COL24A1: variants seen among roughly 807,000 people sequenced by gnomAD.
The protein encoded by COL24A1 is collagen alpha-1(XXIV) chain.
Under a neutral mutation model 253.9 loss-of-function variants are expected in COL24A1, and 224 were observed. That is an observed-to-expected ratio of 0.88 (90% confidence interval 0.79 to 0.99). The LOEUF (loss-of-function observed/expected upper bound fraction) is 0.99. Ranked by LOEUF, COL24A1 falls within the 50% of genes least tolerant of loss-of-function variation. COL24A1 has a pLI of 0.00. For missense variants in COL24A1, 2,131 were observed against 2,068.5 expected (o/e 1.03, Z -0.59); for synonymous variants, 685 against 673.7 (o/e 1.02, Z -0.26).
chr1:85,833,571 A>G (rs1675616244), intron 43 of COL24A1, among the ~76,000 whole-genome samples: 1 of 152,170 alleles, frequency 6.6e-6, no homozygotes, highest in Non-Finnish European at 1.5e-5. Flanking sequence ...TTCCTCAGGG[A>G]TCTAGAACTA....
At chr1:85,942,991 G>A (rs1688893124) in intron 24 of COL24A1, among the ~76,000 whole-genome samples, 1 of 152,174 alleles carries the variant, frequency 6.6e-6, no homozygotes, top group Non-Finnish European at 1.5e-5. Flanking sequence ...AAGGAGATTA[G>A]AATGTAACCC....
At chr1:85,821,649 C>T (rs545411995) in intron 45 of COL24A1, among the ~76,000 whole-genome samples, 1 of 152,212 alleles carries the variant, frequency 6.6e-6, no homozygotes, top group Non-Finnish European at 1.5e-5. Flanking sequence ...TTTTAATGTG[C>T]CCTTGGGTTG....
At chr1:86,011,515 T>C (rs185047553) in intron 19 of COL24A1, among the ~76,000 whole-genome samples, 78 of 152,298 alleles carry the variant, frequency 5.1e-4, no homozygotes, top group African/African-American at 1.8e-3. Flanking sequence ...CATATGCTCT[T>C]GGTACTATAA....
intron 42 of COL24A1, among the ~76,000 whole-genome samples, 183 bp from the exon 43 acceptor site, chr1:85,838,821 A>C (rs1051579992): frequency 6.6e-6 from 1 of 152,252 alleles, no homozygotes; most frequent in Non-Finnish European, 1.5e-5. Flanking sequence ...ACAACATCAA[A>C]ATACACCAAC....
At chr1:85,788,485 T>C (rs931619885) in intron 47 of COL24A1, among the ~76,000 whole-genome samples, 2 of 152,204 alleles carry the variant, frequency 1.3e-5, no homozygotes, top group African/African-American at 4.8e-5. Flanking sequence ...GATGGTTAGA[T>C]TGCAAAAATT....
At chr1:86,039,783 G>T (rs963499544) in intron 12 of COL24A1, among the ~76,000 whole-genome samples, 1 of 152,100 alleles carries the variant, frequency 6.6e-6, no homozygotes, top group Non-Finnish European at 1.5e-5. Context: ...ATATTACCAG[G>T]AAATTCTGTT....
chr1:86,091,089 T>C (rs920585742), intron 6 of COL24A1, among the ~76,000 whole-genome samples: 23 of 152,098 alleles, frequency 1.5e-4, no homozygotes, highest in Non-Finnish European at 2.2e-4. Context: ...GTTTCTCATA[T>C]TGCAGAATTT....
intron 2 of COL24A1, among the ~76,000 whole-genome samples, chr1:86,139,196 G>A (rs116370515): frequency 0.015 from 2,213 of 151,868 alleles, 31 homozygotes; most frequent in Middle Eastern, 0.044. Flanking sequence ...GGAGAGGGAG[G>A]AGAGAGAAGT....
chr1:86,004,085 C>T (rs932917951), intron 19 of COL24A1, among the ~76,000 whole-genome samples: 1 of 152,172 alleles, frequency 6.6e-6, no homozygotes, highest in South Asian at 2.1e-4. Context: ...GTTCCAGCTT[C>T]TGCTGCCTCT....
rs1383316710 is a variant in COL24A1, at chr1:86,156,426, C to A, written c.-30G>T. On this transcript the variant is annotated 5_prime_UTR_variant, in exon 1 of 60. It removes the in-frame stop codon of an upstream open reading frame in the 5' UTR. Coordinates refer to ENST00000370571, the MANE Select transcript of COL24A1 (RefSeq NM_152890.7). ...ATGCATTTGTCCGTGCAGCAAAGCG[C>A]TAACGGAAAACAGAAGCCAACTCTG... 5 of 1,604,240 alleles carry A rather than the reference C, an allele frequency of 3.1e-6. No homozygotes were observed. The Admixed American group carries it at 8.6e-5, about 27-fold the overall frequency.
chr1:85,982,490 A>AT (rs1321244669), intron 20 of COL24A1, among the ~76,000 whole-genome samples: 2 of 144,974 alleles, frequency 1.4e-5, no homozygotes, highest in Admixed American at 6.9e-5. Flanking sequence ...TCTGCTTTCT[A>AT]CCTTTTTTTT....
rs148272453 is a variant in COL24A1 at position 86,140,262 on chromosome 1, G to A, written c.121+5857C>T. On this transcript the variant is annotated intron_variant, in intron 2 of 59. Transcript: ENST00000370571. ...CAAGGTCAGTTAGCTAATAAATGGC[G>A]GAAACTGGGCTTAACTCTAAGATGC... Among the ~76,000 whole-genome samples, 16 of 152,246 alleles carry A rather than the reference G, an allele frequency of 1.1e-4. No homozygotes were observed. The East Asian group carries it at 1.7e-3, about 17-fold the overall frequency.
chr1:85,800,583 A>G (rs1214687183), intron 47 of COL24A1, among the ~76,000 whole-genome samples: 1 of 152,202 alleles, frequency 6.6e-6, no homozygotes, highest in African/African-American at 2.4e-5. Context: ...TTGGAAAATG[A>G]GCAGAATTAA....
intron 2 of COL24A1, among the ~76,000 whole-genome samples, chr1:86,132,681 T>C (rs937787288): frequency 3.3e-5 from 5 of 152,204 alleles, no homozygotes; most frequent in African/African-American, 9.6e-5. Context: ...GTTGTAGATA[T>C]GTGGCATTAT....
chr1:85,823,384 T>C (rs1673861601), intron 45 of COL24A1, 152 bp downstream of exon 45: 6 of 688,190 alleles, frequency 8.7e-6, no homozygotes, highest in South Asian at 6.5e-5. Flanking sequence ...AGCACAATTA[T>C]TGAAAAACAC....
intron 24 of COL24A1, among the ~76,000 whole-genome samples, chr1:85,922,895 C>A (rs187412745): frequency 2.6e-4 from 39 of 152,152 alleles, no homozygotes; most frequent in African/African-American, 9.2e-4. Context: ...GAGTCAAGAC[C>A]CATCAGTGTG....
intron 24 of COL24A1, among the ~76,000 whole-genome samples, chr1:85,955,841 G>A (rs1035771076): frequency 6.6e-6 from 1 of 152,130 alleles, no homozygotes; most frequent in Non-Finnish European, 1.5e-5. Context: ...CTCTTTCAAA[G>A]TCTTTCCTAT....
At chr1:86,008,329 C>T (rs948018862) in intron 19 of COL24A1, among the ~76,000 whole-genome samples, 1 of 152,072 alleles carries the variant, frequency 6.6e-6, no homozygotes. Flanking sequence ...ACCAAAACTT[C>T]TGCCTCCTGG....
In COL24A1 at chr1:85,761,413, C is replaced by G; in HGVS notation, c.4420G>C (p.Gly1474Arg). The change falls in exon 55 of 60, where the codon GGA becomes CGA. Residue 1474 changes from glycine to arginine, a missense_variant. Coordinates refer to ENST00000370571, the MANE Select transcript of COL24A1 (RefSeq NM_152890.7). ...AAACTTACTCTTGGGCCTGGTGCTCCAGGTGGACCCTAGAACACAGCAAAT... is the reference window on the plus strand; with the variant it reads ...AAACTTACTCTTGGGCCTGGTGCTCGAGGTGGACCCTAGAACACAGCAAAT... ...RGQPGPPGPP[G>R]APGPRKQMDI... The G allele has an allele frequency of 6.2e-7, 1 of 1,614,002 alleles. No individual in the cohort carries two copies.
Sources: gnomAD v4.1 joint callset for allele counts (sites outside exome capture counted in the v4.1 genomes callset) on GRCh38, gnomAD v4.1.1 for gene constraint, MANE v1.5 for transcripts, NCBI Gene and HGNC (gene_info 2026-07-23, HGNC 2026-07-21) for gene names.